Variants in KCND2 observed in about 807,000 individuals in gnomAD.
The protein encoded by KCND2 is A-type voltage-gated potassium channel KCND2.
In KCND2, 16 loss-of-function variants were observed where a neutral mutation model predicts 54.4. That is an observed-to-expected ratio of 0.29 (90% CI 0.20 to 0.45). The LOEUF (loss-of-function observed/expected upper bound fraction) is 0.45, where lower values mean the gene tolerates loss of function less well. KCND2 is among the 20% of genes least tolerant of loss of function. KCND2 has a pLI of 1.00. For missense variants in KCND2, 486 were observed against 824.2 expected (o/e 0.59, Z 5.02); for synonymous variants, 317 against 310.7 (o/e 1.02, Z -0.21).
intron 1 of KCND2, among the ~76,000 whole-genome samples, chr7:120,636,804 TG>T (rs954060963): frequency 9.9e-5 from 15 of 152,176 alleles, no homozygotes; most frequent in African/African-American, 3.4e-4. Context: ...TTTTGCAGAT[TG>T]CCTAAATTGG....
chr7:120,598,771 A>G (rs571133521), intron 1 of KCND2, among the ~76,000 whole-genome samples: 15 of 152,118 alleles, frequency 9.9e-5, no homozygotes, highest in Non-Finnish European at 1.5e-4. Flanking sequence ...TGTTGCTTGC[A>G]TTGTTACTTT....
chr7:120,559,243 A>T (rs971946986), intron 1 of KCND2, among the ~76,000 whole-genome samples: 1 of 152,190 alleles, frequency 6.6e-6, no homozygotes, highest in Non-Finnish European at 1.5e-5. Context: ...AATTTTTCAA[A>T]TGACTTTCAT....
chr7:120,499,299 A>G (rs539419379), intron 1 of KCND2, among the ~76,000 whole-genome samples: 153 of 152,290 alleles, frequency 1.0e-3, no homozygotes, highest in African/African-American at 3.5e-3. Flanking sequence ...TTTTTATTGT[A>G]AATAAATAAT....
chr7:120,454,961 G>A (rs573349188), intron 1 of KCND2, among the ~76,000 whole-genome samples: 1 of 152,086 alleles, frequency 6.6e-6, no homozygotes, highest in Admixed American at 6.5e-5. Flanking sequence ...AAATTCCTAG[G>A]AATACAGTTA....
chr7:120,606,409 T>C (rs191034082), intron 1 of KCND2, among the ~76,000 whole-genome samples: 67 of 152,294 alleles, frequency 4.4e-4, no homozygotes, highest in Non-Finnish European at 6.9e-4. Flanking sequence ...TTCTTTTTCT[T>C]CTGTTGCTGG....
chr7:120,737,173 TAATA>T (rs1792885369), intron 2 of KCND2, among the ~76,000 whole-genome samples: 1 of 151,786 alleles, frequency 6.6e-6, no homozygotes, highest in Non-Finnish European at 1.5e-5. Context: ...GAAATTTTGC[TAATA>T]AATTCCCAGG....
At chr7:120,344,291 GA>G (rs1379815819) in intron 1 of KCND2, among the ~76,000 whole-genome samples, 3 of 152,064 alleles carry the variant, frequency 2.0e-5, no homozygotes, top group African/African-American at 7.2e-5. Context: ...ACTCAGAACT[GA>G]ACCAGACAAG....
intron 1 of KCND2, among the ~76,000 whole-genome samples, chr7:120,408,606 A>G (rs1260010697): frequency 1.3e-5 from 2 of 151,878 alleles, no homozygotes; most frequent in African/African-American, 4.8e-5. Context: ...CGTATGCTCT[A>G]TTAATGTTCA....
In KCND2 at chr7:120,513,952, G is replaced by A. The variant is rs540763742; in HGVS notation, c.1116-218951G>A. 3.3e-5 allele frequency among the ~76,000 whole-genome samples: 5 copies of A among 152,126 alleles called. No homozygotes were observed. In the East Asian group the frequency reaches 9.7e-4, roughly 29 times the overall value. On this transcript the variant is annotated intron_variant, in intron 1 of 5. Transcript: ENST00000331113. ...AAACACACAGGCTAACATTTAATGT[G>A]TTATTATTAACAATTTAAACCCACT...
chr7:120,552,980 G>A (rs1031906772), intron 1 of KCND2, among the ~76,000 whole-genome samples: 27 of 152,168 alleles, frequency 1.8e-4, no homozygotes, highest in Admixed American at 6.5e-5. Context: ...CATATACAAT[G>A]TAATTATCAC....
At chr7:120,323,113 C>T (rs544191501) in intron 1 of KCND2, among the ~76,000 whole-genome samples, 52 of 152,032 alleles carry the variant, frequency 3.4e-4, no homozygotes, top group African/African-American at 1.2e-3. Context: ...GCCTCGCATG[C>T]ATTAGGTATT....
intron 1 of KCND2, among the ~76,000 whole-genome samples, chr7:120,309,479 A>ATATATATATATATATT (rs71530038): frequency 2.5e-5 from 2 of 79,502 alleles, no homozygotes; most frequent in East Asian, 9.7e-4. Flanking sequence ...ATATATACAC[A>ATATATATATATATATT]CACACACACA....
chr7:120,698,559 C>G (rs1311453588), intron 1 of KCND2, among the ~76,000 whole-genome samples: 1 of 152,176 alleles, frequency 6.6e-6, no homozygotes, highest in African/African-American at 2.4e-5. Context: ...TTTGTGATTA[C>G]TATGAGCTAT....
intron 1 of KCND2, among the ~76,000 whole-genome samples, chr7:120,566,480 C>CTACA (rs1265387153): frequency 6.6e-6 from 1 of 151,990 alleles, no homozygotes; most frequent in African/African-American, 2.4e-5. Flanking sequence ...GTACCTGGGG[C>CTACA]TACAGACACA....
At chr7:120,725,160 A>C (rs948174576) in intron 1 of KCND2, among the ~76,000 whole-genome samples, 10 of 152,156 alleles carry the variant, frequency 6.6e-5, no homozygotes, top group African/African-American at 2.4e-4. Flanking sequence ...TCCCACATTG[A>C]GGGTTTACTG....
At chr7:120,459,086 C>T in intron 1 of KCND2, among the ~76,000 whole-genome samples, 1 of 151,960 alleles carries the variant, frequency 6.6e-6, no homozygotes, top group East Asian at 1.9e-4. Flanking sequence ...ACCTCAGAAC[C>T]TTCCAATGGC....
At chr7:120,352,719 G>A (rs1403899160) in intron 1 of KCND2, among the ~76,000 whole-genome samples, 1 of 152,040 alleles carries the variant, frequency 6.6e-6, no homozygotes, top group Non-Finnish European at 1.5e-5. Flanking sequence ...ATATTACAAT[G>A]TATTTTAAAC....
chr7:120,511,496 C>T (rs901665283), intron 1 of KCND2, among the ~76,000 whole-genome samples: 1 of 152,006 alleles, frequency 6.6e-6, no homozygotes, highest in Non-Finnish European at 1.5e-5. Context: ...CCAAAAAGAA[C>T]TGTACAATGT....
Position 120,274,797 on chromosome 7 carries a change from G to T in KCND2, c.165G>T (p.Trp55Cys), listed in dbSNP as rs757679607. 5.6e-6 allele frequency: 9 copies of T among 1,613,966 alleles called. No individual in the cohort carries two copies. The highest frequency in any genetic ancestry group is 6.8e-6 in the Non-Finnish European group (8 of 1,180,012). Residue 55 changes from tryptophan (W) to cysteine (C), a missense_variant, in exon 1 of 6, where the codon TGG (tryptophan) becomes TGT (cysteine). Physicochemically the swap from Trp to Cys is radical, Grantham distance 215. Transcript: ENST00000331113. ...LNVSGTRFQT[W>C]QDTLERYPDT... Reference sequence around the variant, plus strand: ...TGAGTGGCACCCGCTTCCAGACGTGGCAGGACACCCTGGAACGTTACCCAG... The same window carrying T: ...TGAGTGGCACCCGCTTCCAGACGTGTCAGGACACCCTGGAACGTTACCCAG...
Sources: gnomAD v4.1 joint callset for allele counts (sites outside exome capture counted in the v4.1 genomes callset) on GRCh38, gnomAD v4.1.1 for gene constraint, MANE v1.5 for transcripts, NCBI Gene and HGNC (gene_info 2026-07-23, HGNC 2026-07-21) for gene names.